Variants in LHCGR observed in about 807,000 individuals in gnomAD.
LHCGR encodes luteinizing hormone/choriogonadotropin receptor.
In LHCGR, 55 loss-of-function variants were observed where a neutral mutation model predicts 60.7. The observed-to-expected ratio is 0.91, with a 90% CI of 0.73 to 1.13. The LOEUF (loss-of-function observed/expected upper bound fraction) is 1.13, where lower values mean the gene tolerates loss of function less well. Among genes scored for constraint, LHCGR ranks in the 50% most tolerant of loss-of-function variants. The pLI is 0.00. For synonymous variants in LHCGR, 337 were observed against 316.5 expected (o/e 1.06, Z -0.69); for missense variants, 862 against 836.0 (o/e 1.03, Z -0.38).
chr2:48,690,055 G>A (rs533284830), intron 10 of LHCGR, among the ~76,000 whole-genome samples: 1 of 152,198 alleles, frequency 6.6e-6, no homozygotes, highest in East Asian at 1.9e-4. Context: ...TTTTCTTCCT[G>A]ATATCCTTTC....
Position 48,755,564 on chromosome 2 carries a change from G to A in LHCGR, c.108C>T (p.Cys36=), listed in dbSNP as rs1457483247. 4 of 1,540,292 alleles carry A rather than the reference G, an allele frequency of 2.6e-6. No homozygotes were observed. The East Asian group carries it at 9.8e-5, about 38-fold the overall frequency. Residue 36 remains cysteine (C), a synonymous_variant, in exon 1 of 11, where the codon TGC becomes TGT. Coordinates refer to ENST00000294954, the MANE Select transcript of LHCGR (RefSeq NM_000233.4). ...REALCPEPCN[C]VPDGALRCPG... is the part of the protein sequence containing the mutation. ...GGCAGCGCAGGGCGCCGTCGGGCACGCAGTTGCAGGGCTCAGGGCAGAGCG... is the reference window on the plus strand; with the variant it reads ...GGCAGCGCAGGGCGCCGTCGGGCACACAGTTGCAGGGCTCAGGGCAGAGCG...
At chr2:48,698,873 G>C (rs996278225) in intron 8 of LHCGR, 73 bp from the exon 9 acceptor site, 2 of 1,286,086 alleles carry the variant, frequency 1.6e-6, no homozygotes, top group Non-Finnish European at 2.2e-6. Context: ...ACGGAGTCTT[G>C]CTCCGTCGCC....
chr2:48,695,758 A>G (rs1467364180), intron 9 of LHCGR, among the ~76,000 whole-genome samples: 1 of 152,216 alleles, frequency 6.6e-6, no homozygotes, highest in Non-Finnish European at 1.5e-5. Flanking sequence ...GCTGGAAGCC[A>G]TAATCTTAAG....
intron 1 of LHCGR, among the ~76,000 whole-genome samples, chr2:48,740,656 A>C (rs911300641): frequency 1.3e-5 from 2 of 152,008 alleles, no homozygotes; most frequent in Non-Finnish European, 2.9e-5. Flanking sequence ...GAAAACTAAC[A>C]AACAGAAAGG....
At chr2:48,702,006 C>T (rs148543205) in intron 8 of LHCGR, among the ~76,000 whole-genome samples, 286 of 152,286 alleles carry the variant, frequency 1.9e-3, no homozygotes, top group African/African-American at 6.6e-3. Context: ...ACCACGGTGC[C>T]TGGTACACAG....
rs1229403196 is a variant in LHCGR at position 48,725,728 on chromosome 2, G to C, written c.331C>G (p.Leu111Val). Residue 111 changes from leucine (L) to valine (V), a missense_variant, in exon 4 of 11, where the codon CTG becomes GTG. Coordinates refer to ENST00000294954, the MANE Select transcript of LHCGR (RefSeq NM_000233.4). ...AATGCTCCGGGCTCAATGTATCTCA[G>C]ATTTTTGGTGTTCTGGATCAGTCTG... The part of the protein sequence containing the change: ...SEILIQNTKN[L>V]RYIEPGAFIN... The C allele has an allele frequency of 6.2e-7, 1 of 1,612,840 alleles. No individual in the cohort carries two copies. The highest frequency in any genetic ancestry group is 1.7e-5 in the Admixed American group (1 of 59,998).
chr2:48,714,949 C>G (rs557755063), intron 6 of LHCGR, among the ~76,000 whole-genome samples: 3 of 152,158 alleles, frequency 2.0e-5, no homozygotes, highest in Non-Finnish European at 4.4e-5. Flanking sequence ...ATAAATGGGA[C>G]TAGGATATGC....
At chr2:48,696,677 A>G (rs1572822143) in intron 9 of LHCGR, among the ~76,000 whole-genome samples, 1 of 152,342 alleles carries the variant, frequency 6.6e-6, no homozygotes, top group Non-Finnish European at 1.5e-5. Context: ...TGAGGGCCTC[A>G]ACTTTTACTG....
intron 8 of LHCGR, among the ~76,000 whole-genome samples, chr2:48,705,649 C>T (rs746491293): frequency 6.6e-6 from 1 of 151,606 alleles, no homozygotes; most frequent in African/African-American, 2.4e-5. Context: ...ATGTAATGGC[C>T]TTCTTTGTCT....
At chr2:48,731,947 A>C (rs1669010669) in intron 1 of LHCGR, among the ~76,000 whole-genome samples, 1 of 152,222 alleles carries the variant, frequency 6.6e-6, no homozygotes, top group Non-Finnish European at 1.5e-5. Flanking sequence ...TGGTTAACTC[A>C]CATGGGCATC....
rs1363145408 is a variant in LHCGR at position 48,687,722 on chromosome 2, T to C, written c.2075A>G (p.Asp692Gly). 6.2e-7 allele frequency: 1 copy of C among 1,614,066 alleles called. No homozygotes were observed. The highest frequency in any genetic ancestry group is 8.5e-7 in the Non-Finnish European group (1 of 1,179,928). ...TLHCQGTALLDKTRYTEC is the reference protein window; with the variant it reads ...TLHCQGTALLGKTRYTEC ...TTAACACTCTGTGTAGCGAGTCTTG[T>C]CTAGGAGAGCTGTACCTTGACAGTG... Residue 692 changes from aspartate to glycine, a missense_variant, in exon 11 of 11, where the codon GAC (aspartate) becomes GGC (glycine). By Grantham distance (94) the Asp-to-Gly change is moderately conservative. Transcript: ENST00000294954.
chr2:48,750,515 C>G, intron 1 of LHCGR, among the ~76,000 whole-genome samples: 1 of 152,218 alleles, frequency 6.6e-6, no homozygotes, highest in East Asian at 1.9e-4. Flanking sequence ...TGGATGCTGA[C>G]ATAACACAAA....
intron 1 of LHCGR, among the ~76,000 whole-genome samples, chr2:48,746,889 T>G (rs557976090): frequency 4.9e-4 from 75 of 152,340 alleles, no homozygotes; most frequent in African/African-American, 1.6e-3. Context: ...CTGCCTCACC[T>G]GTAATGATTT....
At chr2:48,741,384 A>C (rs1367777086) in intron 1 of LHCGR, among the ~76,000 whole-genome samples, 1 of 152,172 alleles carries the variant, frequency 6.6e-6, no homozygotes, top group African/African-American at 2.4e-5. Context: ...CAAGACACAT[A>C]ATTGTCAGAT....
chr2:48,703,965 C>A (rs1667534404), intron 8 of LHCGR, among the ~76,000 whole-genome samples: 1 of 152,116 alleles, frequency 6.6e-6, no homozygotes, highest in South Asian at 2.1e-4. Flanking sequence ...TGTCTTGTGC[C>A]AGTTTTCAAA....
intron 3 of LHCGR, among the ~76,000 whole-genome samples, chr2:48,728,899 T>C (rs544363472): frequency 1.3e-5 from 2 of 152,336 alleles, no homozygotes; most frequent in South Asian, 4.1e-4. Flanking sequence ...GAGTTCATAA[T>C]GTCAATTTTA....
intron 8 of LHCGR, among the ~76,000 whole-genome samples, chr2:48,701,374 C>T (rs1667400556): frequency 6.6e-6 from 1 of 152,176 alleles, no homozygotes; most frequent in South Asian, 2.1e-4. Context: ...TCCTTATATT[C>T]TGTGATTCCC....
At chr2:48,701,515 G>A (rs1228119824) in intron 8 of LHCGR, among the ~76,000 whole-genome samples, 1 of 151,976 alleles carries the variant, frequency 6.6e-6, no homozygotes, top group African/African-American at 2.4e-5. Context: ...CACGTAACTT[G>A]CTCTCTTAGT....
chr2:48,698,216 T>C (rs1415017899), intron 9 of LHCGR, among the ~76,000 whole-genome samples: 1 of 152,248 alleles, frequency 6.6e-6, no homozygotes, highest in Non-Finnish European at 1.5e-5. Flanking sequence ...GTGTCCATTT[T>C]TAAATCAAAG....
Sources: allele counts gnomAD v4.1 joint callset (sites outside exome capture counted in the v4.1 genomes callset), GRCh38; gene constraint gnomAD v4.1.1; transcripts MANE v1.5; gene names NCBI Gene and HGNC (gene_info 2026-07-23, HGNC 2026-07-21).